The following GNA14 variants were observed in gnomAD, a reference collection of about 807,000 sequenced individuals.
GNA14 encodes guanine nucleotide-binding protein subunit alpha-14.
A neutral mutation model predicts 42.0 loss-of-function variants in GNA14; 50 were observed. The ratio of observed to expected loss-of-function variants is 1.19; its 90% CI spans 0.95 to 1.51. The LOEUF (loss-of-function observed/expected upper bound fraction) is 1.51, where lower values mean the gene tolerates loss of function less well. Ranked by LOEUF, GNA14 falls within the 40% of genes most tolerant of loss-of-function variation. The pLI is 0.00. For missense variants in GNA14, 473 were observed against 446.2 expected (o/e 1.06, Z -0.54); for synonymous variants, 173 against 163.1 (o/e 1.06, Z -0.46).
chr9:77,504,024 G>C (rs925063801), intron 2 of GNA14, among the ~76,000 whole-genome samples: 5 of 152,060 alleles, frequency 3.3e-5, no homozygotes, highest in African/African-American at 1.2e-4. Flanking sequence ...GATGGAATGT[G>C]TTTAAAAACA....
intron 1 of GNA14, among the ~76,000 whole-genome samples, chr9:77,602,643 C>A (rs967477067): frequency 6.6e-6 from 1 of 152,130 alleles, no homozygotes. Flanking sequence ...TACAAAGCAA[C>A]CTTGTTCCTC....
chr9:77,635,351 G>A (rs1428307493), intron 1 of GNA14: 2 of 152,184 alleles, frequency 1.3e-5, no homozygotes, highest in African/African-American at 4.8e-5. Flanking sequence ...ATAAATGACA[G>A]CATGCTATTC....
rs550759274 is a variant in GNA14 at position 77,523,321 on chromosome 9, A to T, written c.309+5748T>A. Reference sequence around the variant, plus strand: ...GGGAGGCCTCAGGAAACTTACAATCATGGCCGAAGGTGAAGGGGGAGCAGG... The same window carrying T: ...GGGAGGCCTCAGGAAACTTACAATCTTGGCCGAAGGTGAAGGGGGAGCAGG... On this transcript the variant is annotated intron_variant, in intron 2 of 6. Coordinates refer to ENST00000341700, the MANE Select transcript of GNA14 (RefSeq NM_004297.4). Among the ~76,000 whole-genome samples the T allele has an allele frequency of 3.9e-5, 6 of 152,310 alleles. No homozygotes were observed. In the East Asian group the frequency reaches 1.2e-3, roughly 29 times the overall value.
chr9:77,478,011 G>C (rs893001358), intron 2 of GNA14, among the ~76,000 whole-genome samples: 1 of 147,440 alleles, frequency 6.8e-6, no homozygotes, highest in African/African-American at 2.5e-5. Flanking sequence ...AACAGAATGA[G>C]AGACCTTTTT....
rs370489294 is a variant in GNA14, at chr9:77,434,318, C to T, written c.464+50G>A. On this transcript the variant is annotated intron_variant, in intron 3 of 6. Coordinates refer to ENST00000341700, the MANE Select transcript of GNA14 (RefSeq NM_004297.4). ...GCGAGAAACTTCTTTGAAGTGTGGC[C>T]GAGCTTGCCTGAAAGCACCGCGGGC... 28 of 1,553,034 alleles carry T rather than the reference C, an allele frequency of 1.8e-5. No individual in the cohort carries two copies. The African/African-American group carries it at 2.2e-4, about 12-fold the overall frequency.
intron 1 of GNA14, among the ~76,000 whole-genome samples, chr9:77,631,519 T>TATGTGC (rs60276153): frequency 0.26 from 38,652 of 149,044 alleles, 6,097 homozygotes; most frequent in African/African-American, 0.44. Flanking sequence ...TCTATTCACA[T>TATGTGC]ATGTGCATAA....
intron 1 of GNA14, among the ~76,000 whole-genome samples, chr9:77,604,185 TA>T (rs1348426022): frequency 6.6e-6 from 1 of 152,140 alleles, no homozygotes; most frequent in Non-Finnish European, 1.5e-5. Context: ...TCTCTGCTGC[TA>T]AAAACACTTC....
At chr9:77,611,410 C>T (rs1823728887) in intron 1 of GNA14, among the ~76,000 whole-genome samples, 1 of 152,168 alleles carries the variant, frequency 6.6e-6, no homozygotes, top group African/African-American at 2.4e-5. Context: ...GAAACTAAAT[C>T]TTTTATAGTG....
chr9:77,636,659 G>GA (rs1457312285), intron 1 of GNA14, among the ~76,000 whole-genome samples: 1 of 146,918 alleles, frequency 6.8e-6, no homozygotes, highest in African/African-American at 2.6e-5. Flanking sequence ...AGCAAGAGAG[G>GA]TGGGGAAGTG....
At chr9:77,452,311 C>T (rs1440438804) in intron 2 of GNA14, among the ~76,000 whole-genome samples, 1 of 152,168 alleles carries the variant, frequency 6.6e-6, no homozygotes, top group African/African-American at 2.4e-5. Context: ...AATTTAGTCT[C>T]TCTGCCGCCT....
At chr9:77,488,271 C>A (rs925840003) in intron 2 of GNA14, among the ~76,000 whole-genome samples, 5 of 152,160 alleles carry the variant, frequency 3.3e-5, no homozygotes, top group African/African-American at 1.2e-4. Context: ...GCACCAAGTG[C>A]ATGGAAAATT....
intron 2 of GNA14, among the ~76,000 whole-genome samples, chr9:77,504,573 A>G (rs1422536455): frequency 1.3e-5 from 2 of 150,382 alleles, no homozygotes; most frequent in Non-Finnish European, 3.0e-5. Context: ...AGAGAGAGAA[A>G]CAAGTCCACA....
intron 2 of GNA14, among the ~76,000 whole-genome samples, chr9:77,514,870 C>T (rs1335518055): frequency 6.6e-6 from 1 of 152,150 alleles, no homozygotes; most frequent in South Asian, 2.1e-4. Flanking sequence ...ACCTCGGCCT[C>T]CCAAAGTGCT....
chr9:77,492,064 G>A (rs543711712), intron 2 of GNA14, among the ~76,000 whole-genome samples: 36 of 152,148 alleles, frequency 2.4e-4, no homozygotes, highest in Middle Eastern at 3.4e-3. Flanking sequence ...TGACCAATGG[G>A]TCAATGAAGA....
intron 1 of GNA14, among the ~76,000 whole-genome samples, chr9:77,631,829 C>T (rs1238537244): frequency 1.3e-5 from 2 of 152,200 alleles, no homozygotes; most frequent in African/African-American, 2.4e-5. Flanking sequence ...CCGCTGCCAT[C>T]ATGCCGGCTG....
chr9:77,450,001 G>T (rs562390010), intron 2 of GNA14, among the ~76,000 whole-genome samples: 144 of 152,268 alleles, frequency 9.5e-4, no homozygotes, highest in African/African-American at 3.3e-3. Context: ...GGTAGTTCAT[G>T]GTACCGGACA....
chr9:77,534,256 T>C (rs10781444), intron 1 of GNA14, among the ~76,000 whole-genome samples: 113,428 of 152,130 alleles, frequency 0.75, 42,756 homozygotes, highest in Admixed American at 0.81. Flanking sequence ...ACTTTTCATC[T>C]TTAAAGGAGA....
At chr9:77,459,307 TAA>T (rs1836065087) in intron 2 of GNA14, among the ~76,000 whole-genome samples, 1 of 152,076 alleles carries the variant, frequency 6.6e-6, no homozygotes, top group Non-Finnish European at 1.5e-5. Context: ...TTACCACAAT[TAA>T]ACATAAGGAG....
chr9:77,558,796 A>G lies in GNA14; in HGVS notation c.125-29543T>C, dbSNP rs188598837. On this transcript the variant is annotated intron_variant, in intron 1 of 6. Coordinates refer to ENST00000341700, the MANE Select transcript of GNA14 (RefSeq NM_004297.4). ...TGAAAAAGTATGACAGATAATAATG[A>G]TTTTCCAAGAAAGACTGCTACTGCC... Among the ~76,000 whole-genome samples the G allele has an allele frequency of 5.7e-4, 86 of 152,102 alleles. 1 individual carries two copies. The highest frequency in any genetic ancestry group is 2.0e-3 in the African/African-American group (82 of 41,480).
Sources: allele counts gnomAD v4.1 joint callset (sites outside exome capture counted in the v4.1 genomes callset), GRCh38; gene constraint gnomAD v4.1.1; transcripts MANE v1.5; gene names NCBI Gene and HGNC (gene_info 2026-07-23, HGNC 2026-07-21).